NBEA: variants seen among roughly 807,000 people sequenced by gnomAD.
The protein encoded by NBEA is lysosomal-trafficking regulator 2.
Under a neutral mutation model 343.4 loss-of-function variants are expected in NBEA, and 44 were observed. The observed-to-expected ratio is 0.13, with a 90% CI of 0.10 to 0.16. The LOEUF is 0.16. Ranked by LOEUF, NBEA falls within the 10% of genes least tolerant of loss-of-function variation. The pLI is 1.00. For synonymous variants in NBEA, 1,175 were observed against 1,238.7 expected (o/e 0.95, Z 1.08); for missense variants, 2,555 against 3,631.3 (o/e 0.70, Z 7.62).
intron 41 of NBEA, among the ~76,000 whole-genome samples, chr13:35,516,245 A>G (rs989582131): frequency 2.0e-5 from 3 of 152,208 alleles, no homozygotes; most frequent in African/African-American, 7.2e-5. Flanking sequence ...AGGAAAGGTA[A>G]CAAAGGATTA....
chr13:35,139,805 G>A (rs2067989683), intron 17 of NBEA, among the ~76,000 whole-genome samples: 1 of 126,782 alleles, frequency 7.9e-6, no homozygotes, highest in African/African-American at 3.1e-5. Context: ...AAATGTACTG[G>A]TAAGTATTGT....
At chr13:35,593,771 C>A (rs2081636432) in intron 47 of NBEA, among the ~76,000 whole-genome samples, 1 of 152,104 alleles carries the variant, frequency 6.6e-6, no homozygotes, top group Non-Finnish European at 1.5e-5. Flanking sequence ...TAAAACACAG[C>A]AGGAATTGGA....
intron 1 of NBEA, among the ~76,000 whole-genome samples, chr13:34,945,779 A>G (rs959729040): frequency 3.9e-5 from 6 of 152,108 alleles, no homozygotes; most frequent in Admixed American, 2.0e-4. Context: ...TTTTCTTCCT[A>G]TGTAAGGATA....
intron 46 of NBEA, 42 bp from the exon 47 acceptor site, chr13:35,593,286 T>C (rs748613069): frequency 6.2e-7 from 1 of 1,606,018 alleles, no homozygotes; most frequent in South Asian, 1.1e-5. Flanking sequence ...AGGGCAGCTG[T>C]GTTTAGAGTG....
intron 38 of NBEA, among the ~76,000 whole-genome samples, chr13:35,403,419 TC>T (rs2043093239): frequency 1.3e-5 from 2 of 151,544 alleles, no homozygotes; most frequent in African/African-American, 4.8e-5. Flanking sequence ...ACAGTTGAGA[TC>T]CAAAAAAAGA....
intron 38 of NBEA, among the ~76,000 whole-genome samples, chr13:35,368,159 T>A (rs1482153003): frequency 6.6e-6 from 1 of 151,572 alleles, no homozygotes; most frequent in Non-Finnish European, 1.5e-5. Context: ...TATAAATCAA[T>A]TACTACTATG....
intron 38 of NBEA, among the ~76,000 whole-genome samples, chr13:35,369,677 A>G (rs1348916408): frequency 2.0e-5 from 3 of 151,906 alleles, no homozygotes; most frequent in Non-Finnish European, 2.9e-5. Flanking sequence ...GTATATAAAC[A>G]CTACTGATTT....
intron 38 of NBEA, among the ~76,000 whole-genome samples, chr13:35,420,860 T>A (rs1194007651): frequency 6.6e-6 from 1 of 152,024 alleles, no homozygotes; most frequent in African/African-American, 2.4e-5. Context: ...TCATTCCTGA[T>A]ATTGGTAATT....
chr13:35,526,096 A>G (rs2077961465), intron 41 of NBEA, among the ~76,000 whole-genome samples: 1 of 152,204 alleles, frequency 6.6e-6, no homozygotes, highest in East Asian at 1.9e-4. Flanking sequence ...TAAAATGGGG[A>G]TACAAATTCT....
chr13:35,035,231 T>A lies in NBEA; in HGVS notation c.295-5702T>A, dbSNP rs568157726. Among the ~76,000 whole-genome samples, 12 of 152,126 alleles carry A rather than the reference T, an allele frequency of 7.9e-5. No homozygotes were observed. In the East Asian group the frequency reaches 2.3e-3, roughly 29 times the overall value. ...TGTTGTGTTTCTGTTATTATTAGTTTGAAGAAAATTTTCAATTTCCTTCTT... is the reference window on the plus strand; with the variant it reads ...TGTTGTGTTTCTGTTATTATTAGTTAGAAGAAAATTTTCAATTTCCTTCTT... On this transcript the variant is annotated intron_variant, in intron 1 of 58. Coordinates refer to ENST00000379939, the MANE Select transcript of NBEA (RefSeq NM_001385012.1).
chr13:35,615,287 CAAAAA>C (rs35687768), intron 48 of NBEA, among the ~76,000 whole-genome samples: 61 of 116,822 alleles, frequency 5.2e-4, no homozygotes, highest in Non-Finnish European at 5.6e-4. Context: ...GACCCTGTCT[CAAAAA>C]AAAAAAAAAA....
At chr13:35,327,913 A>T (rs1314030800) in intron 36 of NBEA, among the ~76,000 whole-genome samples, 2 of 150,080 alleles carry the variant, frequency 1.3e-5, no homozygotes, top group Admixed American at 1.3e-4. Context: ...CTGATATATA[A>T]AAAAAAAACT....
intron 1 of NBEA, among the ~76,000 whole-genome samples, chr13:35,001,284 TAG>T (rs2061129588): frequency 2.6e-5 from 4 of 151,902 alleles, no homozygotes; most frequent in African/African-American, 9.7e-5. Flanking sequence ...TAACTGAAAA[TAG>T]AACTACCATA....
intron 55 of NBEA, among the ~76,000 whole-genome samples, chr13:35,662,658 A>G (rs1433079202): frequency 6.6e-6 from 1 of 152,226 alleles, no homozygotes; most frequent in South Asian, 2.1e-4. Flanking sequence ...GATCTGGGGA[A>G]ATCGTAATGA....
chr13:35,535,903 A>G (rs566249715), intron 41 of NBEA, among the ~76,000 whole-genome samples: 1 of 152,308 alleles, frequency 6.6e-6, no homozygotes, highest in East Asian at 1.9e-4. Context: ...GGCAAGGGTA[A>G]CATTCATACT....
chr13:35,070,688 GTT>G (rs766384468), intron 9 of NBEA, 29 bp from the exon 10 acceptor site: 33 of 1,541,594 alleles, frequency 2.1e-5, no homozygotes, highest in Middle Eastern at 2.4e-4. Flanking sequence ...TTCTATAGAA[GTT>G]TAATAAACAT....
intron 34 of NBEA, among the ~76,000 whole-genome samples, chr13:35,284,344 C>G (rs1180153446): frequency 6.6e-6 from 1 of 152,030 alleles, no homozygotes; most frequent in Non-Finnish European, 1.5e-5. Context: ...CTCTCACTGT[C>G]TTTACAGTAT....
At chr13:35,263,240 G>C (rs2033368097) in intron 34 of NBEA, among the ~76,000 whole-genome samples, 1 of 151,416 alleles carries the variant, frequency 6.6e-6, no homozygotes, top group Admixed American at 6.6e-5. Context: ...CTTTTCAACA[G>C]ATGGGAAAAG....
In NBEA at chr13:35,383,613, G is replaced by A. The variant is rs144031916; in HGVS notation, c.6179+31290G>A. Among the ~76,000 whole-genome samples the A allele has an allele frequency of 5.9e-3, 893 of 152,164 alleles. 10 individuals are homozygous for A. Among genetic ancestry groups the A allele is most frequent in the African/African-American group, 0.02 (848 of 41,516 alleles). ...GTGAGAGGGTCAGGCATAGCCAAGCGATGTGACTGGTCCTCGTGCAGGCAT... is the reference window on the plus strand; with the variant it reads ...GTGAGAGGGTCAGGCATAGCCAAGCAATGTGACTGGTCCTCGTGCAGGCAT... On this transcript the variant is annotated intron_variant, in intron 38 of 58. Transcript: ENST00000379939.
Sources: gnomAD v4.1 joint callset for allele counts (sites outside exome capture counted in the v4.1 genomes callset) on GRCh38, gnomAD v4.1.1 for gene constraint, MANE v1.5 for transcripts, NCBI Gene and HGNC (gene_info 2026-07-23, HGNC 2026-07-21) for gene names.